Variants in GATAD2A observed in about 807,000 individuals in gnomAD.
GATAD2A encodes the protein transcriptional repressor p66-alpha.
A neutral mutation model predicts 68.5 loss-of-function variants in GATAD2A; 12 were observed. That is an observed-to-expected ratio of 0.18 (90% CI 0.11 to 0.28). The LOEUF is 0.28. Among genes scored for constraint, GATAD2A ranks in the 10% least tolerant of loss-of-function variants. The pLI, the probability that GATAD2A is intolerant of heterozygous loss-of-function variation, is 1.00. For missense variants in GATAD2A, 755 were observed against 868.5 expected (o/e 0.87, Z 1.64); for synonymous variants, 410 against 375.3 (o/e 1.09, Z -1.07).
intron 1 of GATAD2A, among the ~76,000 whole-genome samples, chr19:19,432,638 T>C (rs1233232621): frequency 6.6e-6 from 1 of 152,214 alleles, no homozygotes; most frequent in East Asian, 1.9e-4. Flanking sequence ...CAATTCGGGA[T>C]GCAGATTGAA....
At chr19:19,400,366 G>A (rs1375487436) in intron 1 of GATAD2A, among the ~76,000 whole-genome samples, 4 of 152,154 alleles carry the variant, frequency 2.6e-5, no homozygotes, top group Non-Finnish European at 4.4e-5. Flanking sequence ...GGTTAGAGAC[G>A]ACATTCAAAA....
intron 7 of GATAD2A, among the ~76,000 whole-genome samples, chr19:19,497,821 G>A (rs1600294481): frequency 6.6e-6 from 1 of 152,204 alleles, no homozygotes; most frequent in East Asian, 1.9e-4. Flanking sequence ...GCAGTTGTGG[G>A]GCTGGTGGAG....
chr19:19,415,634 T>G (rs2051524121), intron 1 of GATAD2A, among the ~76,000 whole-genome samples: 1 of 150,342 alleles, frequency 6.7e-6, no homozygotes, highest in Non-Finnish European at 1.5e-5. Context: ...TTTTTTTTTT[T>G]TTTTGAGACA....
intron 1 of GATAD2A, among the ~76,000 whole-genome samples, chr19:19,387,171 C>T (rs2048496202): frequency 6.6e-6 from 1 of 151,938 alleles, no homozygotes. Context: ...GATCCCCCAC[C>T]TTTTGTGGAC....
rs1287481630 is a variant in GATAD2A, at chr19:19,502,489, C to T, written c.1737C>T (p.Ser579=). Residue 579 remains serine (S), a synonymous_variant, in exon 11 of 12, where the codon AGC becomes AGT. Coordinates refer to ENST00000683918, the MANE Select transcript of GATAD2A (RefSeq NM_001384528.1). ...GAACCGTGAGCGCCGGCAAGGGCAG[C>T]GCCACCTCCAACTGGAAGAAGACGC... ...SERTVSAGKG[S]ATSNWKKTPL... The T allele has an allele frequency of 2.5e-6, 4 of 1,613,078 alleles. No individual in the cohort carries two copies. Among genetic ancestry groups the T allele is most frequent in the South Asian group, 1.1e-5 (1 of 91,056 alleles).
At chr19:19,453,131 C>G (rs1408892099) in intron 1 of GATAD2A, among the ~76,000 whole-genome samples, 1 of 152,128 alleles carries the variant, frequency 6.6e-6, no homozygotes, top group African/African-American at 2.4e-5. Flanking sequence ...ACCTCCCCTC[C>G]TCAGCGAGGC....
At chr19:19,411,250 C>T (rs1003141789) in intron 1 of GATAD2A, among the ~76,000 whole-genome samples, 6 of 152,220 alleles carry the variant, frequency 3.9e-5, no homozygotes, top group South Asian at 2.1e-4. Flanking sequence ...TGATTTCAGA[C>T]GTTGTCTATT....
At chr19:19,473,820 C>T (rs1476819868) in intron 2 of GATAD2A, among the ~76,000 whole-genome samples, 2 of 151,574 alleles carry the variant, frequency 1.3e-5, no homozygotes, top group East Asian at 1.9e-4. Flanking sequence ...GTGGTGGGCA[C>T]CTGTAGTCCC....
intron 1 of GATAD2A, among the ~76,000 whole-genome samples, chr19:19,432,342 C>T (rs956014474): frequency 1.3e-5 from 2 of 152,092 alleles, no homozygotes; most frequent in Non-Finnish European, 2.9e-5. Context: ...GCTCTTGTTG[C>T]CCAGGCTGGA....
intron 1 of GATAD2A, among the ~76,000 whole-genome samples, chr19:19,430,976 G>GGGGTGT (rs140794575): frequency 1.3e-4 from 18 of 136,694 alleles, no homozygotes; most frequent in African/African-American, 4.5e-4. Context: ...GTATGGTAGG[G>GGGGTGT]GTGTGTGTGT....
chr19:19,492,309 C>T lies in GATAD2A; in HGVS notation c.273C>T (p.Asp91=). 1 of 1,601,400 alleles carries T rather than the reference C, an allele frequency of 6.2e-7. No homozygotes were observed. The highest frequency in any genetic ancestry group is 8.5e-7 in the Non-Finnish European group (1 of 1,174,014). ...GPVDMRTSHS[D]MKSERRPPSP... ...CACTACTGTCTCCACCCCACAGTGA[C>T]ATGAAGTCCGAGAGGAGACCCCCCT... is the stretch of plus-strand genomic sequence containing the variant. The change falls in exon 3 of 12, where the codon GAC becomes GAT. Residue 91 remains aspartate, a synonymous_variant. Transcript: ENST00000683918.
At position 19,502,469 on chromosome 19, in the gene GATAD2A, G is replaced by T; in HGVS notation, c.1717G>T (p.Val573Leu). 6.2e-7 allele frequency: 1 copy of T among 1,613,578 alleles called. No individual in the cohort carries two copies. The highest frequency in any genetic ancestry group is 8.5e-7 in the Non-Finnish European group (1 of 1,180,018). The change falls in exon 11 of 12, where the codon GTG becomes TTG. Residue 573 changes from valine to leucine, a missense_variant. By Grantham distance (32) the Val-to-Leu change is conservative. Coordinates refer to ENST00000683918, the MANE Select transcript of GATAD2A (RefSeq NM_001384528.1). ...GACCGGCAGACATTCTGAGAGAACCGTGAGCGCCGGCAAGGGCAGCGCCAC... is the reference window on the plus strand; with the variant it reads ...GACCGGCAGACATTCTGAGAGAACCTTGAGCGCCGGCAAGGGCAGCGCCAC... The part of the protein sequence containing the change: ...SRTGRHSERT[V>L]SAGKGSATSN...
intron 2 of GATAD2A, among the ~76,000 whole-genome samples, chr19:19,490,260 G>C (rs1446076565): frequency 6.6e-6 from 1 of 152,152 alleles, no homozygotes; most frequent in East Asian, 1.9e-4. Context: ...GGGACCAGAG[G>C]AGAGCAAGTA....
At chr19:19,394,107 C>G (rs975993341) in intron 1 of GATAD2A, among the ~76,000 whole-genome samples, 1 of 151,758 alleles carries the variant, frequency 6.6e-6, no homozygotes, top group Non-Finnish European at 1.5e-5. Flanking sequence ...AGGGTGGTCT[C>G]GAACTCCTGA....
intron 11 of GATAD2A, among the ~76,000 whole-genome samples, chr19:19,503,780 G>A (rs1429941784): frequency 1.3e-5 from 2 of 152,150 alleles, no homozygotes; most frequent in South Asian, 2.1e-4. Flanking sequence ...GAGTTACCAC[G>A]GGGGTTTTGA....
chr19:19,488,639 T>G (rs189985640), intron 2 of GATAD2A, among the ~76,000 whole-genome samples: 2 of 152,234 alleles, frequency 1.3e-5, no homozygotes, highest in Non-Finnish European at 2.9e-5. Flanking sequence ...TGGAAGTTCC[T>G]GGCAGGTAAC....
chr19:19,455,580 T>C (rs1039750854), intron 1 of GATAD2A, among the ~76,000 whole-genome samples: 17 of 152,132 alleles, frequency 1.1e-4, no homozygotes, highest in Non-Finnish European at 2.2e-4. Context: ...GTATAACAGC[T>C]GTTTATGTAG....
intron 1 of GATAD2A, among the ~76,000 whole-genome samples, chr19:19,427,358 T>C (rs937734565): frequency 6.6e-6 from 1 of 151,796 alleles, no homozygotes; most frequent in Middle Eastern, 3.4e-3. Context: ...TATGACAACA[T>C]GTATTCTGTC....
intron 2 of GATAD2A, among the ~76,000 whole-genome samples, chr19:19,487,988 C>T (rs947289972): frequency 3.3e-5 from 5 of 152,286 alleles, no homozygotes; most frequent in African/African-American, 1.2e-4. Context: ...CCTGTCTCCC[C>T]AAGCCAGCCT....
Sources: gnomAD v4.1 joint callset for allele counts (sites outside exome capture counted in the v4.1 genomes callset) on GRCh38, gnomAD v4.1.1 for gene constraint, MANE v1.5 for transcripts, NCBI Gene and HGNC (gene_info 2026-07-23, HGNC 2026-07-21) for gene names.